Variants in ANK2 observed in about 807,000 individuals in gnomAD.
The protein encoded by ANK2 is ankyrin 2, also known as ankyrin-2.
ANK2 carries 83 observed loss-of-function variants against 360.5 expected under a neutral mutation model. The observed-to-expected ratio is 0.23, with a 90% confidence interval of 0.19 to 0.28. The LOEUF is 0.28. Among genes scored for constraint, ANK2 ranks in the 10% least tolerant of loss-of-function variants. ANK2 has a pLI of 1.00. For missense variants in ANK2, 4,201 were observed against 4,795.7 expected (o/e 0.88, Z 3.66); for synonymous variants, 1,740 against 1,759.5 (o/e 0.99, Z 0.28).
At chr4:112,932,245 A>G (rs1387721542) in intron 2 of ANK2, among the ~76,000 whole-genome samples, 1 of 152,072 alleles carries the variant, frequency 6.6e-6, no homozygotes, top group African/African-American at 2.4e-5. Context: ...TAATCCCAGC[A>G]CTTTGGGAGG....
intron 10 of ANK2, 61 bp downstream of exon 10, chr4:113,249,923 T>G: frequency 7.0e-7 from 1 of 1,437,742 alleles, no homozygotes; most frequent in Middle Eastern, 1.8e-4. Flanking sequence ...ATGTATTATC[T>G]CTATTCTTTT....
chr4:113,358,350 C>T lies in ANK2; in HGVS notation c.9732C>T (p.Cys3244=). The T allele has an allele frequency of 6.2e-7, 1 of 1,613,966 alleles. No homozygotes were observed. Residue 3244 remains cysteine (C), a synonymous_variant, in exon 38 of 46, where the codon TGC becomes TGT. Transcript: ENST00000357077. ...TCTCTGGTGTAAAGCAGATATCCTG[C>T]CCCGACTCTTCTGAACCAGCTGTAC... The part of the protein sequence containing the change: ...PPLSGVKQIS[C]PDSSEPAVQV...
intron 2 of ANK2, among the ~76,000 whole-genome samples, chr4:112,996,623 C>A (rs369174715): frequency 6.6e-6 from 1 of 151,700 alleles, no homozygotes; most frequent in Admixed American, 6.6e-5. Flanking sequence ...TTTGTGGGTA[C>A]GTGGTATATT....
intron 1 of ANK2, among the ~76,000 whole-genome samples, chr4:112,886,194 AATTGCCAGCAGC>A (rs2078306252): frequency 6.6e-6 from 1 of 152,168 alleles, no homozygotes; most frequent in South Asian, 2.1e-4. Context: ...GCCTAGGAGA[AATTGCCAGCAGC>A]AGGGCTGAGG....
rs775809535 is a variant in ANK2 at position 113,369,799 on chromosome 4, T to C, written c.11604T>C (p.Phe3868=). The change falls in exon 43 of 46, where the codon TTT becomes TTC. Residue 3868 remains phenylalanine, a synonymous_variant. Transcript: ENST00000357077. ...TCERLDEDAA[F]EKGDDMPEIP... is the part of the protein sequence containing the mutation. Reference sequence around the variant, plus strand: ...AAAGACTCGATGAAGATGCAGCTTTTGAAAAGGTAAGACATTCCTCTCCAC... The same window carrying C: ...AAAGACTCGATGAAGATGCAGCTTTCGAAAAGGTAAGACATTCCTCTCCAC... 6.2e-7 allele frequency: 1 copy of C among 1,614,116 alleles called. No homozygotes were observed.
rs1335167170 is a variant in ANK2 at position 113,345,953 on chromosome 4, A to C, written c.4302A>C (p.Pro1434=). ...GACGACTATCATTTATGAAGGAGCC[A>C]AAATCCACGAGAGGCCTGGTGCATC... is the stretch of plus-strand genomic sequence containing the variant. ...PCGRLSFMKE[P]KSTRGLVHQA... Residue 1434 remains proline, a synonymous_variant, in exon 35 of 46, where the codon CCA becomes CCC. Transcript: ENST00000357077. 1 of 1,613,582 alleles carries C rather than the reference A, an allele frequency of 6.2e-7. No homozygotes were observed. Among genetic ancestry groups the C allele is most frequent in the African/African-American group, 1.3e-5 (1 of 74,908 alleles).
At chr4:112,779,561 G>C in the ANK2 span, among the ~76,000 whole-genome samples, 2 of 151,968 alleles carry the variant, frequency 1.3e-5, no homozygotes, top group Admixed American at 6.6e-5. Flanking sequence ...TATTGACAAA[G>C]AAGTACATAG....
At position 113,354,074 on chromosome 4, in the gene ANK2, C is replaced by T. The variant is rs753589550; in HGVS notation, c.5456C>T (p.Ala1819Val). Residue 1819 changes from alanine to valine, a missense_variant, in exon 38 of 46, where the codon GCG becomes GTG. Coordinates refer to ENST00000357077, the MANE Select transcript of ANK2 (RefSeq NM_001148.6). ...CCCTCTCTGAAGTCAGAGAGACATG[C>T]GCCAGGGTCTCCCTCCCCTAAAACA... Reference protein sequence around the residue: ...ASPSLKSERHAPGSPSPKTER... With the variant: ...ASPSLKSERHVPGSPSPKTER... 9.9e-6 allele frequency: 16 copies of T among 1,613,920 alleles called. No individual in the cohort carries two copies. Among genetic ancestry groups the T allele is most frequent in the African/African-American group, 5.3e-5 (4 of 74,902 alleles).
rs764841248 is a variant in ANK2 at position 113,355,760 on chromosome 4, C to A, written c.7142C>A (p.Ala2381Asp). ...ESTATSDETK[A>D]LPLPEASVKT... is the part of the protein sequence containing the mutation. ...ACAGCCACCTCAGACGAGACAAAGG[C>A]CTTGCCGCTGCCTGAGGCTTCTGTA... Residue 2381 changes from alanine to aspartate, a missense_variant, in exon 38 of 46, where the codon GCC becomes GAC. Coordinates refer to ENST00000357077, the MANE Select transcript of ANK2 (RefSeq NM_001148.6). The A allele has an allele frequency of 2.2e-5, 36 of 1,613,994 alleles. No homozygotes were observed. The highest frequency in any genetic ancestry group is 2.8e-5 in the Non-Finnish European group (33 of 1,179,984).
intron 41 of ANK2, 113 bp downstream of exon 41, chr4:113,365,295 G>A (rs1421330876): frequency 8.8e-7 from 1 of 1,141,636 alleles, no homozygotes; most frequent in Admixed American, 2.0e-5. Context: ...TCAGAAGGTA[G>A]ACCATGGCCT....
intron 1 of ANK2, among the ~76,000 whole-genome samples, chr4:112,856,932 G>A (rs1367010356): frequency 6.6e-6 from 1 of 152,156 alleles, no homozygotes; most frequent in East Asian, 1.9e-4. Flanking sequence ...AATTACTGAG[G>A]AGACATCAAG....
intron 1 of ANK2, among the ~76,000 whole-genome samples, chr4:113,150,266 C>T (rs1048309392): frequency 2.0e-5 from 3 of 152,144 alleles, no homozygotes; most frequent in African/African-American, 4.8e-5. Flanking sequence ...ATTTCCCAGC[C>T]TACTCCCATC....
the ANK2 span, among the ~76,000 whole-genome samples, chr4:112,724,295 C>T: frequency 5.3e-5 from 8 of 152,112 alleles, no homozygotes; most frequent in Admixed American, 2.6e-4. Context: ...GAATTCCTGA[C>T]CTCAGGTGAT....
chr4:113,344,610 C>T (rs2153986874), intron 34 of ANK2, among the ~76,000 whole-genome samples: 1 of 152,182 alleles, frequency 6.6e-6, no homozygotes, highest in South Asian at 2.1e-4. Flanking sequence ...GCAGCATTAG[C>T]CATGGTAGCC....
chr4:113,017,453 C>T (rs2056941882), intron 2 of ANK2, among the ~76,000 whole-genome samples: 1 of 151,872 alleles, frequency 6.6e-6, no homozygotes, highest in Non-Finnish European at 1.5e-5. Context: ...AAGACTGAAG[C>T]CTCTACTTTG....
In ANK2 at chr4:113,367,912, C is replaced by T. The variant is rs920563440; in HGVS notation, c.11318+61C>T. 57 of 1,583,986 alleles carry T rather than the reference C, an allele frequency of 3.6e-5. 1 individual carries two copies. Among genetic ancestry groups the T allele is most frequent in the Admixed American group, 8.4e-5 (5 of 59,878 alleles). On this transcript the variant is annotated intron_variant, in intron 42 of 45. Coordinates refer to ENST00000357077, the MANE Select transcript of ANK2 (RefSeq NM_001148.6). ...CAAAGAAACAGGCTATTGTGGATGC[C>T]AGGCATATATAAGCATAACTAGTTT...
chr4:112,882,397 G>A (rs930058593), intron 1 of ANK2: 1 of 152,010 alleles, frequency 6.6e-6, no homozygotes, highest in Non-Finnish European at 1.5e-5. Context: ...TGATCTCAGA[G>A]TTTCAGTTCA....
At chr4:113,216,891 A>AT (rs57900954) in intron 4 of ANK2, among the ~76,000 whole-genome samples, 2,769 of 147,650 alleles carry the variant, frequency 0.019, 74 homozygotes, top group African/African-American at 0.064. Flanking sequence ...TTCAAACACT[A>AT]TTTTTTTTTT....
the ANK2 span, among the ~76,000 whole-genome samples, chr4:112,785,262 T>C: frequency 2.0e-5 from 3 of 152,236 alleles, no homozygotes; most frequent in African/African-American, 7.2e-5. Flanking sequence ...CCTTAATATG[T>C]GTGCCTCAGT....
Sources: gnomAD v4.1 joint callset for allele counts (sites outside exome capture counted in the v4.1 genomes callset) on GRCh38, gnomAD v4.1.1 for gene constraint, MANE v1.5 for transcripts, NCBI Gene and HGNC (gene_info 2026-07-23, HGNC 2026-07-21) for gene names.